SYCP2: variants seen among roughly 807,000 people sequenced by gnomAD.
SYCP2 encodes the protein synaptonemal complex lateral element protein.
In SYCP2, 55 loss-of-function variants were observed where a neutral mutation model predicts 211.3. The ratio of observed to expected loss-of-function variants is 0.26; its 90% confidence interval spans 0.21 to 0.33. The LOEUF (loss-of-function observed/expected upper bound fraction) is 0.33. Among genes scored for constraint, SYCP2 ranks in the 10% least tolerant of loss-of-function variants. The pLI is 1.00. For missense variants in SYCP2, 1,731 were observed against 1,752.0 expected (o/e 0.99, Z 0.21); for synonymous variants, 570 against 555.2 (o/e 1.03, Z -0.37).
chr20:59,882,602 A>T, intron 26 of SYCP2, among the ~76,000 whole-genome samples: 1 of 152,196 alleles, frequency 6.6e-6, no homozygotes, highest in Non-Finnish European at 1.5e-5. Context: ...TCAGCAATAA[A>T]AAAAGAATGA....
intron 1 of SYCP2, among the ~76,000 whole-genome samples, chr20:59,932,529 G>A (rs969466053): frequency 1.3e-5 from 2 of 152,074 alleles, no homozygotes; most frequent in East Asian, 3.9e-4. Context: ...TACAAAATTA[G>A]CTGGGCGTGG....
intron 10 of SYCP2, 109 bp downstream of exon 10, chr20:59,915,056 T>C (rs1276370899): frequency 2.7e-6 from 2 of 754,302 alleles, no homozygotes; most frequent in Non-Finnish European, 4.5e-6. Context: ...GTACATAATG[T>C]TTATAATTCC....
intron 18 of SYCP2, 115 bp downstream of exon 18, chr20:59,900,023 G>A (rs1211935658): frequency 8.9e-7 from 1 of 1,120,988 alleles, no homozygotes; most frequent in African/African-American, 1.6e-5. Flanking sequence ...ACTCTGAAAT[G>A]TGATTGATCA....
chr20:59,924,356 G>A (rs537702142), intron 2 of SYCP2, among the ~76,000 whole-genome samples: 3 of 152,006 alleles, frequency 2.0e-5, no homozygotes, highest in South Asian at 4.1e-4. Flanking sequence ...GGGATCCTGT[G>A]TCATGTAAAA....
At chr20:59,889,688 T>C (rs1007796688) in intron 24 of SYCP2, among the ~76,000 whole-genome samples, 1 of 151,980 alleles carries the variant, frequency 6.6e-6, no homozygotes, top group Non-Finnish European at 1.5e-5. Flanking sequence ...CTTGTCTTGA[T>C]AGAAATGTAC....
chr20:59,879,812 AATATAAATAAATATATATATAT>A (rs1483731300), intron 31 of SYCP2, among the ~76,000 whole-genome samples: 7 of 33,012 alleles, frequency 2.1e-4, no homozygotes, highest in African/African-American at 2.0e-3. Context: ...ATATTTAGTA[AATATAAATAAATATATATATAT>A]ATATATATAT....
rs1452025523 is a variant in SYCP2, at chr20:59,905,580, A to C, written c.1033+1784T>G. On this transcript the variant is annotated intron_variant, in intron 15 of 44. Transcript: ENST00000357552. ...ATGTAAATGTATCAAAGAAAACATC[A>C]GTAATTGCCTGGGGGTAGAGTACAA... Among the ~76,000 whole-genome samples, 3 of 152,198 alleles carry C rather than the reference A, an allele frequency of 2.0e-5. No individual in the cohort carries two copies. In the East Asian group the frequency reaches 5.8e-4, roughly 29 times the overall value.
intron 41 of SYCP2, 52 bp from the exon 42 acceptor site, chr20:59,865,917 T>TA (rs1386643371): frequency 1.5e-5 from 12 of 785,654 alleles, no homozygotes; most frequent in Admixed American, 1.2e-4. Flanking sequence ...AGTCCTAAAA[T>TA]AAAATCCAGT....
intron 16 of SYCP2, 26 bp from the exon 17 acceptor site, chr20:59,900,844 TGAC>T (rs1467655124): frequency 1.4e-6 from 2 of 1,447,446 alleles, no homozygotes; most frequent in Non-Finnish European, 1.9e-6. Context: ...TTCACAGTGA[TGAC>T]ATTTTCTTCA....
intron 1 of SYCP2, chr20:59,933,356 T>G (rs1029593222): frequency 4.6e-5 from 7 of 151,416 alleles, no homozygotes; most frequent in Non-Finnish European, 8.8e-5. Flanking sequence ...CGCCGCGAAC[T>G]CTGCACAGCC....
At chr20:59,918,245 A>T (rs2060479142) in intron 7 of SYCP2, among the ~76,000 whole-genome samples, 1 of 152,206 alleles carries the variant, frequency 6.6e-6, no homozygotes, top group Non-Finnish European at 1.5e-5. Context: ...TTCTAAATGA[A>T]CTGGGCACAA....
intron 20 of SYCP2, among the ~76,000 whole-genome samples, chr20:59,894,239 A>G (rs2059963938): frequency 1.3e-5 from 2 of 151,850 alleles, no homozygotes; most frequent in South Asian, 4.2e-4. Flanking sequence ...GATTCTCCAC[A>G]CTAGGAGGGG....
intron 24 of SYCP2, among the ~76,000 whole-genome samples, chr20:59,890,870 C>T (rs6027174): frequency 6.6e-6 from 1 of 151,586 alleles, no homozygotes; most frequent in East Asian, 1.9e-4. Flanking sequence ...CAAAAAGAAC[C>T]TTATTTCCCC....
At chr20:59,894,040 AT>A (rs1325565476) in intron 20 of SYCP2, among the ~76,000 whole-genome samples, 1 of 151,990 alleles carries the variant, frequency 6.6e-6, no homozygotes, top group African/African-American at 2.4e-5. Flanking sequence ...TAAGTTTTTT[AT>A]TTATAACAAT....
At chr20:59,873,810 C>T (rs369714566) in intron 35 of SYCP2, 46 bp downstream of exon 35, 1 of 1,446,700 alleles carries the variant, frequency 6.9e-7, no homozygotes, top group Non-Finnish European at 9.4e-7. Context: ...TAACTTACTA[C>T]CTTCAGATAT....
intron 15 of SYCP2, among the ~76,000 whole-genome samples, chr20:59,902,861 G>T (rs1047626178): frequency 6.6e-6 from 1 of 152,090 alleles, no homozygotes; most frequent in African/African-American, 2.4e-5. Context: ...TCAGGTTTCA[G>T]AGATGCAAAT....
At chr20:59,916,652 G>T in intron 7 of SYCP2, 81 bp from the exon 8 acceptor site, 2 of 957,676 alleles carry the variant, frequency 2.1e-6, no homozygotes, top group Middle Eastern at 2.3e-4. Context: ...AGAGTTAGTG[G>T]AAAGGGGCCA....
chr20:59,900,683 G>A, intron 17 of SYCP2, 61 bp downstream of exon 17: 2 of 1,307,180 alleles, frequency 1.5e-6, no homozygotes, highest in Non-Finnish European at 2.2e-6. Context: ...CTTTATTACT[G>A]TTCCATTAGT....
rs764619920 is a variant in SYCP2 at position 59,922,475 on chromosome 20, T to C, written c.-46-16A>G. ...AAATAAACACCTATAAAAGAAAACA[T>C]ATATTTTCTGTATCTCACAATCTGT... On this transcript the variant is annotated splice_polypyrimidine_tract_variant and intron_variant, in intron 2 of 44. Transcript: ENST00000357552. 12 of 1,249,616 alleles carry C rather than the reference T, an allele frequency of 9.6e-6. No individual in the cohort carries two copies. Among genetic ancestry groups the C allele is most frequent in the Non-Finnish European group, 1.3e-5 (12 of 893,740 alleles). 77.4% of individuals were successfully genotyped at this position (1,249,616 alleles called of 1,614,324 possible).
Sources: allele counts gnomAD v4.1 joint callset (sites outside exome capture counted in the v4.1 genomes callset), GRCh38; gene constraint gnomAD v4.1.1; transcripts MANE v1.5; gene names NCBI Gene and HGNC (gene_info 2026-07-23, HGNC 2026-07-21).